Variants in MARCHF1 observed in about 807,000 individuals in gnomAD.
The protein encoded by MARCHF1 is membrane associated ring-CH-type finger 1.
Under a neutral mutation model 54.2 loss-of-function variants are expected in MARCHF1, and 40 were observed. That is an observed-to-expected ratio of 0.74 (90% confidence interval 0.57 to 0.96). The LOEUF (loss-of-function observed/expected upper bound fraction) is 0.96. Ranked by LOEUF, MARCHF1 falls within the 40% of genes least tolerant of loss-of-function variation. The pLI is 0.00. For synonymous variants in MARCHF1, 236 were observed against 236.3 expected (o/e 1.00, Z 0.01); for missense variants, 586 against 656.5 (o/e 0.89, Z 1.17).
intron 1 of MARCHF1, among the ~76,000 whole-genome samples, chr4:164,218,212 A>G (rs900716950): frequency 6.6e-6 from 1 of 152,164 alleles, no homozygotes; most frequent in Non-Finnish European, 1.5e-5. Context: ...GAGGTAATGG[A>G]GAGACCTTAT....
intron 1 of MARCHF1, among the ~76,000 whole-genome samples, chr4:164,201,118 A>G (rs1731439872): frequency 6.6e-6 from 1 of 152,240 alleles, no homozygotes; most frequent in African/African-American, 2.4e-5. Flanking sequence ...AAACCAAGAA[A>G]ATGCATTTGG....
chr4:163,661,390 T>G (rs1743338024), intron 5 of MARCHF1, among the ~76,000 whole-genome samples: 1 of 152,034 alleles, frequency 6.6e-6, no homozygotes, highest in South Asian at 2.1e-4. Flanking sequence ...ATCTGAAATT[T>G]TGGCTTTTTA....
At chr4:164,063,666 A>T (rs1291938691) in intron 2 of MARCHF1, among the ~76,000 whole-genome samples, 1 of 152,236 alleles carries the variant, frequency 6.6e-6, no homozygotes, top group Admixed American at 6.5e-5. Context: ...AGTAAAAGAG[A>T]CATTTTCATT....
intron 1 of MARCHF1, among the ~76,000 whole-genome samples, chr4:164,163,165 T>C (rs1036087): frequency 0.18 from 26,926 of 151,828 alleles, 3,632 homozygotes; most frequent in African/African-American, 0.37. Context: ...ACCTAGAAGA[T>C]CCTAAATACA....
chr4:164,175,674 T>C (rs76307429), intron 1 of MARCHF1, among the ~76,000 whole-genome samples: 1 of 152,324 alleles, frequency 6.6e-6, no homozygotes, highest in South Asian at 2.1e-4. Flanking sequence ...GAGAAAAGAC[T>C]GAGGTCCCTA....
At chr4:164,255,522 G>A (rs1368853868) in intron 1 of MARCHF1, among the ~76,000 whole-genome samples, 1 of 151,784 alleles carries the variant, frequency 6.6e-6, no homozygotes, top group Non-Finnish European at 1.5e-5. Flanking sequence ...TTTAAAAGAT[G>A]GAGAATATCA....
intron 3 of MARCHF1, among the ~76,000 whole-genome samples, chr4:163,885,583 G>A (rs908706448): frequency 5.9e-5 from 9 of 152,010 alleles, no homozygotes; most frequent in Non-Finnish European, 1.0e-4. Flanking sequence ...TCAGCAGTGG[G>A]CCTTGACATC....
intron 1 of MARCHF1, among the ~76,000 whole-genome samples, chr4:164,270,216 T>C (rs1733708318): frequency 6.6e-6 from 1 of 152,192 alleles, no homozygotes; most frequent in African/African-American, 2.4e-5. Context: ...TCAGGATATT[T>C]GCCATTGTTA....
intron 3 of MARCHF1, among the ~76,000 whole-genome samples, chr4:163,982,904 T>C (rs756541150): frequency 1.4e-4 from 22 of 152,318 alleles, no homozygotes; most frequent in South Asian, 6.2e-4. Flanking sequence ...GTGTGTGCCA[T>C]TGATTCAATG....
intron 2 of MARCHF1, among the ~76,000 whole-genome samples, chr4:163,994,480 T>A (rs1753028790): frequency 6.6e-6 from 1 of 151,760 alleles, no homozygotes; most frequent in Admixed American, 6.6e-5. Flanking sequence ...AATGACAAGT[T>A]AATGGGTGCA....
chr4:163,635,988 A>G (rs1742304152), intron 5 of MARCHF1, among the ~76,000 whole-genome samples: 1 of 152,214 alleles, frequency 6.6e-6, no homozygotes. Context: ...AGCCAAAGAC[A>G]AAAACCACAT....
intron 4 of MARCHF1, among the ~76,000 whole-genome samples, chr4:163,758,061 T>C (rs981170626): frequency 1.3e-5 from 2 of 152,262 alleles, no homozygotes; most frequent in African/African-American, 4.8e-5. Context: ...AGAAGTTTTA[T>C]TCATTTTTTA....
At chr4:164,248,252 T>C (rs190103905) in intron 1 of MARCHF1, among the ~76,000 whole-genome samples, 47 of 152,180 alleles carry the variant, frequency 3.1e-4, no homozygotes, top group African/African-American at 1.0e-3. Flanking sequence ...GTTCTTTCTG[T>C]AACTCTGTTA....
chr4:164,376,374 C>G (rs1004547306), intron 1 of MARCHF1, among the ~76,000 whole-genome samples: 1 of 152,028 alleles, frequency 6.6e-6, no homozygotes, highest in Non-Finnish European at 1.5e-5. Context: ...TGATTTAGTC[C>G]TGCTTTTCTT....
chr4:163,669,156 G>A (rs1007841526), intron 5 of MARCHF1, among the ~76,000 whole-genome samples: 2 of 152,104 alleles, frequency 1.3e-5, no homozygotes, highest in South Asian at 2.1e-4. Flanking sequence ...CCTGGAGTAC[G>A]TACATTGGTC....
chr4:164,219,480 T>C (rs534361133), intron 1 of MARCHF1, among the ~76,000 whole-genome samples: 1 of 152,226 alleles, frequency 6.6e-6, no homozygotes, highest in East Asian at 1.9e-4. Flanking sequence ...AAGAATCAAT[T>C]ATAAAACTTG....
At chr4:164,363,495 G>C (rs1413382064) in intron 1 of MARCHF1, among the ~76,000 whole-genome samples, 2 of 152,090 alleles carry the variant, frequency 1.3e-5, no homozygotes, top group Non-Finnish European at 2.9e-5. Flanking sequence ...AAATAGAACA[G>C]AGGCCACTAG....
At chr4:164,357,591 A>T (rs565234391) in intron 1 of MARCHF1, among the ~76,000 whole-genome samples, 59 of 152,284 alleles carry the variant, frequency 3.9e-4, no homozygotes, top group Middle Eastern at 6.8e-3. Flanking sequence ...CACCCATGTA[A>T]GATAATAAGA....
chr4:164,343,176 G>A (rs1729977760), intron 1 of MARCHF1, among the ~76,000 whole-genome samples: 1 of 152,100 alleles, frequency 6.6e-6, no homozygotes, highest in African/African-American at 2.4e-5. Context: ...TATGTGCTGT[G>A]ATGAATGTTA....
Sources: gnomAD v4.1 joint callset for allele counts (sites outside exome capture counted in the v4.1 genomes callset) on GRCh38, gnomAD v4.1.1 for gene constraint, MANE v1.5 for transcripts, NCBI Gene and HGNC (gene_info 2026-07-23, HGNC 2026-07-21) for gene names.